The following PIGN variants were observed in gnomAD, a reference collection of about 807,000 sequenced individuals.
The protein encoded by PIGN is GPI ethanolamine phosphate transferase 1.
Under a neutral mutation model 125.4 loss-of-function variants are expected in PIGN, and 117 were observed. That is an observed-to-expected ratio of 0.93 (90% CI 0.80 to 1.09). The LOEUF is 1.09. Among genes scored for constraint, PIGN ranks in the 50% least tolerant of loss-of-function variants. PIGN has a pLI of 0.00. For synonymous variants in PIGN, 392 were observed against 377.8 expected (o/e 1.04, Z -0.44); for missense variants, 1,075 against 1,094.9 (o/e 0.98, Z 0.26).
chr18:62,056,526 C>T (rs1009217269), intron 30 of PIGN, among the ~76,000 whole-genome samples: 3 of 150,588 alleles, frequency 2.0e-5, no homozygotes, highest in African/African-American at 4.9e-5. Flanking sequence ...TTTTTTAAAC[C>T]GAGAAAATAC....
At chr18:62,174,411 C>A (rs942759038) in intron 1 of PIGN, 1 of 152,066 alleles carries the variant, frequency 6.6e-6, no homozygotes, top group Non-Finnish European at 1.5e-5. Context: ...ATTAATAGCT[C>A]CTTAGTAAAT....
At chr18:62,063,633 T>G (rs1320467500) in intron 30 of PIGN, among the ~76,000 whole-genome samples, 1 of 149,382 alleles carries the variant, frequency 6.7e-6, no homozygotes, top group Admixed American at 6.6e-5. Flanking sequence ...TAATTGAAAT[T>G]ACAAAAGGTG....
intron 7 of PIGN, chr18:62,153,644 CA>C (rs2036616802): frequency 6.6e-6 from 1 of 151,514 alleles, no homozygotes; most frequent in South Asian, 2.1e-4. Context: ...TCCCTGTTGA[CA>C]AAAGTATATA....
chr18:62,116,480 T>C (rs140029655), intron 14 of PIGN, among the ~76,000 whole-genome samples: 4 of 152,340 alleles, frequency 2.6e-5, no homozygotes, highest in African/African-American at 7.2e-5. Context: ...TACCCTCAGC[T>C]GCATAATGGT....
At chr18:62,120,701 A>G (rs1265804440) in intron 14 of PIGN, among the ~76,000 whole-genome samples, 1 of 152,126 alleles carries the variant, frequency 6.6e-6, no homozygotes, top group Non-Finnish European at 1.5e-5. Context: ...AAAAGGATGT[A>G]TAAATAACAA....
chr18:62,036,475 C>A (rs797003769), downstream of PIGN, among the ~76,000 whole-genome samples: 75 of 152,256 alleles, frequency 4.9e-4, no homozygotes, highest in African/African-American at 1.7e-3. Context: ...GGGTAGGTAA[C>A]TAGCAATGCT....
intron 14 of PIGN, among the ~76,000 whole-genome samples, chr18:62,119,019 T>C (rs910591493): frequency 6.6e-6 from 1 of 152,138 alleles, no homozygotes; most frequent in African/African-American, 2.4e-5. Context: ...TGGTATTCAG[T>C]GACCACCAGA....
At chr18:62,018,861 C>T (rs1352238242) in intron 23 of PIGN, among the ~76,000 whole-genome samples, 2 of 152,142 alleles carry the variant, frequency 1.3e-5, no homozygotes, top group Non-Finnish European at 2.9e-5. Flanking sequence ...CACACGCACA[C>T]ACATACACAC....
chr18:62,163,314 G>A (rs974915599), intron 2 of PIGN, among the ~76,000 whole-genome samples: 1 of 152,112 alleles, frequency 6.6e-6, no homozygotes, highest in Non-Finnish European at 1.5e-5. Context: ...TGACCCAGTT[G>A]TATTTTCCTG....
intron 14 of PIGN, among the ~76,000 whole-genome samples, chr18:62,120,204 G>A (rs1568196978): frequency 6.6e-6 from 1 of 151,888 alleles, no homozygotes; most frequent in African/African-American, 2.4e-5. Context: ...AAAAGCAGCT[G>A]GGGGAAGGGG....
intron 17 of PIGN, among the ~76,000 whole-genome samples, chr18:62,108,363 G>A (rs2034735214): frequency 6.6e-6 from 1 of 151,910 alleles, no homozygotes; most frequent in Non-Finnish European, 1.5e-5. Context: ...AATAATTCAG[G>A]AGGGGTTCTG....
At chr18:62,127,005 T>C (rs1452161045) in intron 14 of PIGN, among the ~76,000 whole-genome samples, 4 of 152,188 alleles carry the variant, frequency 2.6e-5, no homozygotes, top group African/African-American at 9.6e-5. Flanking sequence ...CTTGTCAATC[T>C]TAAAGCAGTA....
intron 30 of PIGN, among the ~76,000 whole-genome samples, chr18:62,071,866 A>ATATATATATATATG (rs1568142124): frequency 1.2e-3 from 4 of 3,248 alleles, no homozygotes; most frequent in African/African-American, 4.0e-3. Flanking sequence ...CCTTTTCCAT[A>ATATATATATATATG]TATATATATA....
chr18:62,041,690 TG>T lies in PIGN; in HGVS notation c.*4165del. 6.6e-6 allele frequency: 1 copy of T among 151,286 alleles called. No individual in the cohort carries two copies. The highest frequency in any genetic ancestry group is 2.0e-4 in the East Asian group (1 of 5,118). The allele number at this position is 151,286 out of a possible 1,614,324, so 9.4% of individuals were successfully genotyped here. A position where few individuals can be genotyped will look rare whatever the true frequency, so the allele number is the denominator to read the frequency against. On this transcript the variant is annotated 3_prime_UTR_variant, in exon 31 of 31. Coordinates refer to ENST00000640252, the MANE Select transcript of PIGN (RefSeq NM_176787.5). ...GTGTGTGTGTGTGTGTGTGTGTGTG[TG>T]TGTGTGTGTGTGTGTTTAGTAGAGA... is the stretch of plus-strand genomic sequence containing the variant.
At chr18:62,074,010 C>G (rs1268240283) in intron 29 of PIGN, among the ~76,000 whole-genome samples, 3 of 152,222 alleles carry the variant, frequency 2.0e-5, no homozygotes, top group African/African-American at 7.2e-5. Context: ...AGTATGTGAT[C>G]AAGCCCCACT....
chr18:62,064,528 T>G (rs2032390187), intron 30 of PIGN, among the ~76,000 whole-genome samples: 1 of 152,192 alleles, frequency 6.6e-6, no homozygotes, highest in Non-Finnish European at 1.5e-5. Context: ...ACATACACAA[T>G]GCAAAAAATA....
chr18:62,071,863 CATATATATATATATATATAT>C (rs61508545), intron 30 of PIGN, among the ~76,000 whole-genome samples: 3,040 of 77,614 alleles, frequency 0.039, 113 homozygotes, highest in East Asian at 0.14. Context: ...ACTCCTTTTC[CATATATATATATATATATAT>C]ATATATATAT....
intron 16 of PIGN, 147 bp from the exon 17 acceptor site, chr18:62,110,120 A>C (rs1446247141): frequency 1.5e-6 from 1 of 660,174 alleles, no homozygotes; most frequent in East Asian, 2.9e-5. Context: ...GCATTAAGAC[A>C]AGGAAAAAAA....
intron 23 of PIGN, among the ~76,000 whole-genome samples, chr18:62,024,228 A>G (rs2030088017): frequency 6.6e-6 from 1 of 152,262 alleles, no homozygotes; most frequent in African/African-American, 2.4e-5. Context: ...TAAGTCCACC[A>G]TTGAAATACT....
Sources: allele counts gnomAD v4.1 joint callset (sites outside exome capture counted in the v4.1 genomes callset), GRCh38; gene constraint gnomAD v4.1.1; transcripts MANE v1.5; gene names NCBI Gene and HGNC (gene_info 2026-07-23, HGNC 2026-07-21).